CLDN20: variants seen among roughly 807,000 people sequenced by gnomAD.
The protein encoded by CLDN20 is claudin-20.
For synonymous variants in CLDN20, 104 were observed against 103.6 expected (o/e 1.00, Z -0.03); for missense variants, 258 against 267.9 (o/e 0.96, Z 0.26).
chr6:155,276,063 G>A lies in CLDN20; in HGVS notation c.344G>A (p.Ser115Asn), dbSNP rs1785188979. 1.9e-6 allele frequency: 3 copies of A among 1,614,086 alleles called. No homozygotes were observed. The highest frequency in any genetic ancestry group is 2.5e-6 in the Non-Finnish European group (3 of 1,180,062). The change falls in exon 2 of 2, where the codon AGC becomes AAC. Residue 115 changes from serine to asparagine, a missense_variant. Transcript: ENST00000367165. ...TTAGGAGGGGACAGAGAAACCAAGA[G>A]CCATGCTTCCTTTGCTGGAGGAGTC... ...TRLGGDRETK[S>N]HASFAGGVCF...
intron 1 of CLDN20, among the ~76,000 whole-genome samples, chr6:155,266,903 GAGACATTAAAGCAT>G (rs1347522779): frequency 6.7e-6 from 1 of 149,056 alleles, no homozygotes; most frequent in Non-Finnish European, 1.5e-5. Flanking sequence ...TCTGGAAAGT[GAGACATTAAAGCAT>G]AGTCTGGGGT....
At chr6:155,269,309 CTT>C (rs1784813755) in intron 1 of CLDN20, among the ~76,000 whole-genome samples, 1 of 95,504 alleles carries the variant, frequency 1.0e-5, no homozygotes, top group Non-Finnish European at 2.0e-5. Context: ...GCTTAGTTTT[CTT>C]TTCTTTTCTT....
chr6:155,266,291 C>A, intron 1 of CLDN20, among the ~76,000 whole-genome samples: 1 of 152,154 alleles, frequency 6.6e-6, no homozygotes, highest in African/African-American at 2.4e-5. Flanking sequence ...TAAATAAAAG[C>A]CACTGGGTTG....
chr6:155,266,771 T>C (rs12665860), intron 1 of CLDN20, among the ~76,000 whole-genome samples: 97,278 of 146,344 alleles, frequency 0.66, 32,558 homozygotes, highest in East Asian at 0.98. Flanking sequence ...GGCGTGAGCC[T>C]GGGAGGCGGA....
intron 1 of CLDN20, among the ~76,000 whole-genome samples, chr6:155,273,543 T>TC (rs1785036304): frequency 1.3e-5 from 2 of 152,240 alleles, no homozygotes; most frequent in South Asian, 4.1e-4. Context: ...ATTAACATCC[T>TC]CTACAGTCCT....
In CLDN20 at chr6:155,267,541, G is replaced by A. The variant is rs138663830; in HGVS notation, c.-105+3253G>A. Among the ~76,000 whole-genome samples, 11 of 152,334 alleles carry A rather than the reference G, an allele frequency of 7.2e-5. No individual in the cohort carries two copies. In the East Asian group the frequency reaches 1.9e-3, roughly 27 times the overall value. ...TAGAGAAGCTTTTGGGTGTGGACAA[G>A]CTCTGATTGGTGAGTGACGACAGCA... On this transcript the variant is annotated intron_variant, in intron 1 of 1. Transcript: ENST00000367165.
intron 1 of CLDN20, among the ~76,000 whole-genome samples, chr6:155,274,107 C>G (rs1785062395): frequency 6.6e-6 from 1 of 152,160 alleles, no homozygotes; most frequent in South Asian, 2.1e-4. Context: ...GATACTGAGG[C>G]ACAGAGAGGT....
intron 1 of CLDN20, among the ~76,000 whole-genome samples, chr6:155,267,421 C>T (rs1282698873): frequency 2.0e-5 from 3 of 152,196 alleles, no homozygotes; most frequent in Non-Finnish European, 4.4e-5. Context: ...ACACACAGAC[C>T]AGGTGGTCTT....
chr6:155,275,078 T>C (rs1226520716), intron 1 of CLDN20, among the ~76,000 whole-genome samples: 2 of 150,274 alleles, frequency 1.3e-5, no homozygotes, highest in Admixed American at 6.6e-5. Context: ...AAAAAAAAAT[T>C]AGCCGGGCAT....
chr6:155,272,302 T>C (rs1396476388), intron 1 of CLDN20, among the ~76,000 whole-genome samples: 2 of 152,226 alleles, frequency 1.3e-5, no homozygotes, highest in Non-Finnish European at 2.9e-5. Context: ...AATATTATTT[T>C]TGATATAAAT....
At chr6:155,270,744 C>G (rs549126551) in intron 1 of CLDN20, among the ~76,000 whole-genome samples, 4 of 152,188 alleles carry the variant, frequency 2.6e-5, no homozygotes, top group Non-Finnish European at 5.9e-5. Flanking sequence ...AAGCTTATGT[C>G]TGCACTAACA....
At chr6:155,264,926 T>C (rs1165266500) in intron 1 of CLDN20, among the ~76,000 whole-genome samples, 1 of 152,194 alleles carries the variant, frequency 6.6e-6, no homozygotes, top group East Asian at 1.9e-4. Context: ...TTCAGGGAGA[T>C]GCACGTGTAA....
chr6:155,267,053 C>T (rs1222092489), intron 1 of CLDN20, among the ~76,000 whole-genome samples: 1 of 149,968 alleles, frequency 6.7e-6, no homozygotes, highest in African/African-American at 2.5e-5. Context: ...CGGCTCACTG[C>T]AACCTCCACC....
rs1305484362 is a variant in CLDN20 at position 155,276,196 on chromosome 6, A to AC, written c.479dup (p.Gly161TrpfsTer33). The AC allele has an allele frequency of 1.9e-6, 3 of 1,613,912 alleles. No individual in the cohort carries two copies. In the African/African-American group the frequency reaches 4.0e-5, roughly 22 times the overall value. ...CAGTTCCAGAAAGCAACAAACATGA[A>AC]CCTGGAGGAGCTATCTATATCGGAT... On this transcript the variant is annotated frameshift_variant, in exon 2 of 2. Coordinates refer to ENST00000367165, the MANE Select transcript of CLDN20 (RefSeq NM_001001346.3). LOFTEE classifies it low-confidence loss of function (END_TRUNC).
chr6:155,272,706 T>A (rs1235963724), intron 1 of CLDN20, among the ~76,000 whole-genome samples: 1 of 152,196 alleles, frequency 6.6e-6, no homozygotes, highest in East Asian at 1.9e-4. Context: ...TCTTTCTACA[T>A]AAGTTCTCTA....
At chr6:155,265,692 TTAAATA>T (rs1784597063) in intron 1 of CLDN20, among the ~76,000 whole-genome samples, 2 of 146,522 alleles carry the variant, frequency 1.4e-5, no homozygotes, top group South Asian at 4.2e-4. Context: ...TATGAGTTTA[TTAAATA>T]TAAATATTAA....
rs1194533417 is a variant in CLDN20 at position 155,275,893 on chromosome 6, C to T, written c.174C>T (p.Ser58=). ...HGLWMDCTWY[S]TGMFSCALKH... ...TCTGGATGGACTGTACGTGGTACAGCACTGGGATGTTCAGCTGTGCCCTGA... is the reference window on the plus strand; with the variant it reads ...TCTGGATGGACTGTACGTGGTACAGTACTGGGATGTTCAGCTGTGCCCTGA... Residue 58 remains serine (S), a synonymous_variant, in exon 2 of 2, where the codon AGC becomes AGT. Transcript: ENST00000367165. 6.2e-7 allele frequency: 1 copy of T among 1,614,024 alleles called. No individual in the cohort carries two copies. Among genetic ancestry groups the T allele is most frequent in the African/African-American group, 1.3e-5 (1 of 74,918 alleles).
intron 1 of CLDN20, among the ~76,000 whole-genome samples, chr6:155,268,373 G>T (rs1583318500): frequency 6.6e-6 from 1 of 152,136 alleles, no homozygotes; most frequent in East Asian, 1.9e-4. Flanking sequence ...CTGATCCCCA[G>T]GCTTCTTTGA....
At chr6:155,264,595 T>C (rs1176886545) in intron 1 of CLDN20, among the ~76,000 whole-genome samples, 1 of 152,150 alleles carries the variant, frequency 6.6e-6, no homozygotes, top group African/African-American at 2.4e-5. Context: ...TCTGCAGAAG[T>C]TCTGTCCTCA....
Sources: allele counts gnomAD v4.1 joint callset (sites outside exome capture counted in the v4.1 genomes callset), GRCh38; gene constraint gnomAD v4.1.1; transcripts MANE v1.5; gene names NCBI Gene and HGNC (gene_info 2026-07-23, HGNC 2026-07-21).